The following ARHGAP25 variants were observed in gnomAD, a reference collection of about 807,000 sequenced individuals.
The protein encoded by ARHGAP25 is Rho GTPase activating protein 25.
ARHGAP25 carries 34 observed loss-of-function variants against 71.0 expected under a neutral mutation model. That is an observed-to-expected ratio of 0.48 (90% CI 0.36 to 0.64). ARHGAP25 has a LOEUF of 0.64. ARHGAP25 is among the 30% of genes least tolerant of loss of function. ARHGAP25 has a pLI of 0.00. For synonymous variants in ARHGAP25, 282 were observed against 296.5 expected (o/e 0.95, Z 0.50); for missense variants, 706 against 805.1 (o/e 0.88, Z 1.49).
At chr2:68,760,050 T>C (rs1676706687) in intron 1 of ARHGAP25, among the ~76,000 whole-genome samples, 1 of 152,088 alleles carries the variant, frequency 6.6e-6, no homozygotes, top group African/African-American at 2.4e-5. Flanking sequence ...AATCAGTCAA[T>C]TTCATTAATA....
intron 1 of ARHGAP25, among the ~76,000 whole-genome samples, chr2:68,741,941 C>T (rs1276318753): frequency 6.6e-6 from 1 of 152,196 alleles, no homozygotes; most frequent in East Asian, 1.9e-4. Flanking sequence ...TGTATTTGCT[C>T]ACTTGTATGT....
chr2:68,810,658 G>C (rs551186737), intron 5 of ARHGAP25, among the ~76,000 whole-genome samples: 6 of 151,360 alleles, frequency 4.0e-5, no homozygotes, highest in Non-Finnish European at 5.9e-5. Context: ...TGATTAAACT[G>C]TCTAGGTGTC....
intron 2 of ARHGAP25, 82 bp downstream of exon 2, chr2:68,775,502 A>G (rs1056036556): frequency 1.9e-6 from 3 of 1,598,696 alleles, no homozygotes; most frequent in Admixed American, 3.4e-5. Context: ...TTAAACTCAC[A>G]GGGGCCTTCT....
intron 5 of ARHGAP25, among the ~76,000 whole-genome samples, chr2:68,812,270 GT>G (rs1041891075): frequency 2.0e-4 from 30 of 151,934 alleles, no homozygotes; most frequent in African/African-American, 7.0e-4. Context: ...TCTTGTGAGT[GT>G]TTTTTCCCCC....
chr2:68,826,089 C>T lies in ARHGAP25; in HGVS notation c.1836C>T (p.Arg612=). ...KKSAALEISL[R]NMERSREDVE... Reference sequence around the variant, plus strand: ...CTGCAGCCCTAGAGATCAGCCTCCGCAACATGGAGCGCTCCCGGGAGGATG... The same window carrying T: ...CTGCAGCCCTAGAGATCAGCCTCCGTAACATGGAGCGCTCCCGGGAGGATG... Residue 612 remains arginine (R), a synonymous_variant, in exon 11 of 11, where the codon CGC becomes CGT. Coordinates refer to ENST00000409202, the MANE Select transcript of ARHGAP25 (RefSeq NM_001007231.3). 1.2e-6 allele frequency: 2 copies of T among 1,614,064 alleles called. No homozygotes were observed. The highest frequency in any genetic ancestry group is 1.7e-6 in the Non-Finnish European group (2 of 1,180,012).
chr2:68,775,444 G>C, intron 2 of ARHGAP25, 24 bp downstream of exon 2: 5 of 1,613,876 alleles, frequency 3.1e-6, no homozygotes, highest in Non-Finnish European at 4.2e-6. Flanking sequence ...TGTTTGTCCC[G>C]TTCATAAGGC....
chr2:68,783,460 G>A (rs1283299867), intron 3 of ARHGAP25, among the ~76,000 whole-genome samples: 1 of 150,638 alleles, frequency 6.6e-6, no homozygotes, highest in African/African-American at 2.4e-5. Flanking sequence ...TTTGTTTTTT[G>A]TTTTTGTTTT....
intron 1 of ARHGAP25, among the ~76,000 whole-genome samples, chr2:68,750,896 TGTGAGTA>T (rs1676130973): frequency 6.6e-6 from 1 of 152,188 alleles, no homozygotes; most frequent in Admixed American, 6.5e-5. Context: ...TTGCTTATAA[TGTGAGTA>T]GTGAGGAGGA....
intron 2 of ARHGAP25, among the ~76,000 whole-genome samples, chr2:68,714,876 C>T (rs112172269): frequency 6.6e-6 from 1 of 152,012 alleles, no homozygotes. Flanking sequence ...TATTAAAATA[C>T]GGAAGGAAAG....
Position 68,735,085 on chromosome 2 carries a change from A to C in ARHGAP25, c.-115A>C. 2 of 916,030 alleles carry C rather than the reference A, an allele frequency of 2.2e-6. No homozygotes were observed. Among genetic ancestry groups the C allele is most frequent in the South Asian group, 2.7e-5 (2 of 74,686 alleles). The allele number at this position is 916,030 out of a possible 1,614,324, so 56.7% of individuals were successfully genotyped here. ...GCCTAAGATTGCTTGTGAAGCAATC[A>C]TAAGGAGGAACAAAAACAGACACAA... On this transcript the variant is annotated 5_prime_UTR_variant, in exon 1 of 11. Coordinates refer to ENST00000409202, the MANE Select transcript of ARHGAP25 (RefSeq NM_001007231.3).
intron 2 of ARHGAP25, among the ~76,000 whole-genome samples, chr2:68,714,616 C>G (rs529003494): frequency 1.3e-5 from 2 of 152,286 alleles, no homozygotes; most frequent in South Asian, 4.1e-4. Flanking sequence ...CTCCTTTGGG[C>G]ATTTAGTGCT....
intron 2 of ARHGAP25, among the ~76,000 whole-genome samples, chr2:68,718,511 A>T (rs1312325228): frequency 1.5e-5 from 2 of 136,198 alleles, no homozygotes; most frequent in Non-Finnish European, 3.1e-5. Context: ...CCATATTGTG[A>T]AATAATAAGA....
intron 4 of ARHGAP25, among the ~76,000 whole-genome samples, chr2:68,803,858 GA>G: frequency 6.6e-6 from 1 of 152,214 alleles, no homozygotes; most frequent in Non-Finnish European, 1.5e-5. Context: ...TTGAGACAGA[GA>G]AGGGAGGGAA....
intron 1 of ARHGAP25, among the ~76,000 whole-genome samples, chr2:68,756,985 T>C (rs111523922): frequency 0.018 from 2,701 of 151,704 alleles, 69 homozygotes; most frequent in African/African-American, 0.063. Flanking sequence ...AGAAAGAAAC[T>C]AAAAAGAAAT....
At chr2:68,738,255 A>AG (rs1280795932) in intron 1 of ARHGAP25, among the ~76,000 whole-genome samples, 1 of 152,216 alleles carries the variant, frequency 6.6e-6, no homozygotes, top group African/African-American at 2.4e-5. Context: ...GGACAGGTCC[A>AG]GACTTTCTGG....
chr2:68,729,124 A>G (rs565223639), intron 2 of ARHGAP25, among the ~76,000 whole-genome samples: 2 of 152,328 alleles, frequency 1.3e-5, no homozygotes, highest in South Asian at 4.1e-4. Flanking sequence ...AGGGTCTGCT[A>G]ATGGGTATGG....
In ARHGAP25 at chr2:68,735,233, A is replaced by G. The variant is rs536793644; in HGVS notation, c.34A>G (p.Asn12Asp). The G allele has an allele frequency of 6.2e-7, 1 of 1,614,206 alleles. No homozygotes were observed. The highest frequency in any genetic ancestry group is 2.2e-5 in the East Asian group (1 of 44,890). ...AAAATTGCCAAGGAACTGGGATTTC[A>G]ACCTGAAAGTGGAGGCTGCGAAAAT... Reference protein sequence around the residue: ...SLKLPRNWDFNLKVEAAKIAR... With the variant: ...SLKLPRNWDFDLKVEAAKIAR... The change falls in exon 1 of 11, where the codon AAC becomes GAC. Residue 12 changes from asparagine to aspartate, a missense_variant. Transcript: ENST00000409202.
At chr2:68,775,735 G>A (rs764014768) in intron 2 of ARHGAP25, 2 of 537,318 alleles carry the variant, frequency 3.7e-6, no homozygotes, top group African/African-American at 1.9e-5. Flanking sequence ...TTTGGGTTCA[G>A]GAAAACCGAT....
At chr2:68,735,383 G>C (rs1289999320) in intron 1 of ARHGAP25, 123 bp downstream of exon 1, 1 of 1,033,272 alleles carries the variant, frequency 9.7e-7, no homozygotes, top group Admixed American at 2.0e-5. Context: ...CTGAGTTTGA[G>C]GGACCATTTG....
Sources: gnomAD v4.1 joint callset for allele counts (sites outside exome capture counted in the v4.1 genomes callset) on GRCh38, gnomAD v4.1.1 for gene constraint, MANE v1.5 for transcripts, NCBI Gene and HGNC (gene_info 2026-07-23, HGNC 2026-07-21) for gene names.